AAK1: variants seen among roughly 807,000 people sequenced by gnomAD.
The protein encoded by AAK1 is AP2-associated protein kinase 1.
A neutral mutation model predicts 116.0 loss-of-function variants in AAK1; 37 were observed. That is an observed-to-expected ratio of 0.32 (90% confidence interval 0.25 to 0.42). The LOEUF is 0.42. Among genes scored for constraint, AAK1 ranks in the 10% least tolerant of loss-of-function variants. The pLI, the probability that AAK1 is intolerant of heterozygous loss-of-function variation, is 1.00. For synonymous variants in AAK1, 458 were observed against 439.9 expected (o/e 1.04, Z -0.51); for missense variants, 919 against 1,170.6 (o/e 0.79, Z 3.14).
chr2:69,553,437 GTTTTTTTT>G (rs70954350), intron 3 of AAK1, among the ~76,000 whole-genome samples: 4 of 79,598 alleles, frequency 5.0e-5, no homozygotes, highest in African/African-American at 2.1e-4. Context: ...ATTGAAAGTT[GTTTTTTTT>G]TTTTTTTTTT....
intron 2 of AAK1, among the ~76,000 whole-genome samples, chr2:69,576,106 TGCACTCTCTCAG>T (rs1672304924): frequency 6.6e-6 from 1 of 152,096 alleles, no homozygotes; most frequent in Non-Finnish European, 1.5e-5. Flanking sequence ...AAGAAACCCA[TGCACTCTCTCAG>T]GCCCTGCCAG....
At chr2:69,501,875 A>G (rs1035653127) in intron 16 of AAK1, among the ~76,000 whole-genome samples, 2 of 151,960 alleles carry the variant, frequency 1.3e-5, no homozygotes, top group Non-Finnish European at 2.9e-5. Context: ...GGAGGCTGAG[A>G]CAGGAGAATT....
At chr2:69,553,304 A>G (rs575095573) in intron 3 of AAK1, among the ~76,000 whole-genome samples, 1 of 152,322 alleles carries the variant, frequency 6.6e-6, no homozygotes, top group African/African-American at 2.4e-5. Context: ...ATTTCCCAAG[A>G]GCAACACTGA....
chr2:69,630,469 A>G (rs1354618430), intron 2 of AAK1, among the ~76,000 whole-genome samples: 1 of 152,036 alleles, frequency 6.6e-6, no homozygotes, highest in Non-Finnish European at 1.5e-5. Context: ...AACAAAATTC[A>G]TGCACCTCAA....
At chr2:69,546,478 G>A (rs928275394) in intron 3 of AAK1, among the ~76,000 whole-genome samples, 1 of 152,154 alleles carries the variant, frequency 6.6e-6, no homozygotes, top group Non-Finnish European at 1.5e-5. Flanking sequence ...AAGAACTGGA[G>A]AGAAGTTCTT....
intron 16 of AAK1, among the ~76,000 whole-genome samples, chr2:69,500,698 T>C (rs13422097): frequency 0.1 from 6,496 of 65,240 alleles, 834 homozygotes; most frequent in East Asian, 0.34. Context: ...TATATATATA[T>C]ACACACACAC....
At chr2:69,520,457 C>G (rs946617859) in intron 11 of AAK1, among the ~76,000 whole-genome samples, 3 of 150,222 alleles carry the variant, frequency 2.0e-5, no homozygotes, top group Non-Finnish European at 4.4e-5. Flanking sequence ...CTCCCAGGTT[C>G]AAGCGATTCT....
intron 6 of AAK1, 185 bp downstream of exon 6, chr2:69,531,856 C>T (rs779753094): frequency 5.0e-4 from 628 of 1,257,768 alleles, no homozygotes; most frequent in Non-Finnish European, 6.2e-4. Context: ...CTGATGTATG[C>T]CTGTAAACCC....
intron 2 of AAK1, among the ~76,000 whole-genome samples, chr2:69,631,877 G>A (rs1675194087): frequency 6.6e-6 from 1 of 152,168 alleles, no homozygotes; most frequent in Admixed American, 6.5e-5. Context: ...ATATTCAGGA[G>A]GCTGAGGTGG....
chr2:69,532,885 G>A (rs1670314227), intron 5 of AAK1, among the ~76,000 whole-genome samples: 1 of 152,120 alleles, frequency 6.6e-6, no homozygotes, highest in South Asian at 2.1e-4. Context: ...AGGCAGCAGG[G>A]AGCTTATAAA....
chr2:69,482,676 A>G (rs1269642214), intron 18 of AAK1, 35 bp downstream of exon 18: 1 of 1,517,666 alleles, frequency 6.6e-7, no homozygotes, highest in Non-Finnish European at 9.1e-7. Context: ...CACACATATC[A>G]TGCATGACTG....
In AAK1 at chr2:69,458,836, C is replaced by T. The variant is rs1674274262; in HGVS notation, c.*17033G>A. The stretch of plus-strand genomic sequence containing the variant: ...TCTCACCCTGCCCCCAAAGTCTAAC[C>T]TATCCTATTTTAACTGGTATTGGTA... On this transcript the variant is annotated 3_prime_UTR_variant, in exon 22 of 22. Transcript: ENST00000409085. The T allele has an allele frequency of 6.6e-6, 1 of 152,594 alleles. No homozygotes were observed. Among genetic ancestry groups the T allele is most frequent in the African/African-American group, 2.4e-5 (1 of 41,426 alleles). The allele number at this position is 152,594 out of a possible 1,614,324, so 9.5% of individuals were successfully genotyped here.
intron 8 of AAK1, among the ~76,000 whole-genome samples, chr2:69,527,938 T>G (rs953492230): frequency 6.6e-6 from 1 of 152,102 alleles, no homozygotes; most frequent in Non-Finnish European, 1.5e-5. Context: ...CACATACACA[T>G]GCAAACAACA....
intron 2 of AAK1, among the ~76,000 whole-genome samples, chr2:69,566,212 G>C (rs912859364): frequency 1.3e-5 from 2 of 152,096 alleles, no homozygotes; most frequent in Non-Finnish European, 2.9e-5. Context: ...CAAAAGCTTC[G>C]GAAGGAACAA....
At chr2:69,478,888 A>G in intron 20 of AAK1, 63 bp downstream of exon 20, 1 of 1,368,708 alleles carries the variant, frequency 7.3e-7, no homozygotes, top group Non-Finnish European at 1.0e-6. Context: ...AAAACTTTCA[A>G]AAGTTGTTTA....
intron 17 of AAK1, among the ~76,000 whole-genome samples, chr2:69,484,878 AATAAT>A (rs1484025071): frequency 3.3e-5 from 5 of 151,646 alleles, no homozygotes; most frequent in Non-Finnish European, 7.4e-5. Flanking sequence ...CAAAAAAAAA[AATAAT>A]AATAATAAAT....
intron 8 of AAK1, among the ~76,000 whole-genome samples, chr2:69,529,283 AT>A (rs1323858601): frequency 6.6e-6 from 1 of 152,260 alleles, no homozygotes; most frequent in African/African-American, 2.4e-5. Flanking sequence ...CTCAGGATTT[AT>A]AATCAATCCA....
chr2:69,625,501 T>TA (rs1307191446), intron 2 of AAK1, among the ~76,000 whole-genome samples: 3 of 152,206 alleles, frequency 2.0e-5, no homozygotes, highest in Non-Finnish European at 4.4e-5. Flanking sequence ...CATAAGATGT[T>TA]AGAGTTGGAA....
rs1429692064 is a variant in AAK1, at chr2:69,465,661, C to T, written c.*10208G>A. 7.7e-7 allele frequency: 1 copy of T among 1,290,932 alleles called. No homozygotes were observed. The highest frequency in any genetic ancestry group is 2.3e-5 in the Admixed American group (1 of 43,574). 80.0% of individuals were successfully genotyped at this position (1,290,932 alleles called of 1,614,324 possible). ...AAGGACTGGGGGCGGAATGGTTTGC[C>T]AGCCATGGGGCCTGAGACAGCTTCT... is the stretch of plus-strand genomic sequence containing the variant. On this transcript the variant is annotated 3_prime_UTR_variant, in exon 22 of 22. Transcript: ENST00000409085.
Sources: allele counts gnomAD v4.1 joint callset (sites outside exome capture counted in the v4.1 genomes callset), GRCh38; gene constraint gnomAD v4.1.1; transcripts MANE v1.5; gene names NCBI Gene and HGNC (gene_info 2026-07-23, HGNC 2026-07-21).